KIF2A: variants seen among roughly 807,000 people sequenced by gnomAD.
The protein encoded by KIF2A is kinesin-like protein KIF2A.
In KIF2A, 22 loss-of-function variants were observed where a neutral mutation model predicts 100.2. The observed-to-expected ratio is 0.22, with a 90% CI of 0.16 to 0.31. The LOEUF is 0.31. Ranked by LOEUF, KIF2A falls within the 10% of genes least tolerant of loss-of-function variation. KIF2A has a pLI of 1.00. For missense variants in KIF2A, 495 were observed against 898.7 expected (o/e 0.55, Z 5.74); for synonymous variants, 268 against 285.9 (o/e 0.94, Z 0.63).
intron 1 of KIF2A, among the ~76,000 whole-genome samples, chr5:62,307,558 T>A (rs972871454): frequency 6.6e-6 from 1 of 152,030 alleles, no homozygotes; most frequent in Non-Finnish European, 1.5e-5. Flanking sequence ...GTACCAATAT[T>A]GAAAGAACGA....
intron 1 of KIF2A, among the ~76,000 whole-genome samples, chr5:62,346,913 C>G (rs1747597885): frequency 6.6e-6 from 1 of 152,082 alleles, no homozygotes. Context: ...TAGGTCTTAC[C>G]TGATTTACTG....
At chr5:62,308,162 A>G (rs969566734) in intron 1 of KIF2A, 73 of 311,410 alleles carry the variant, frequency 2.3e-4, no homozygotes, top group Non-Finnish European at 4.2e-5. Context: ...CTGTATATGA[A>G]AAGATAAATT....
At chr5:62,334,732 C>A (rs1241655227) in intron 1 of KIF2A, among the ~76,000 whole-genome samples, 2 of 152,130 alleles carry the variant, frequency 1.3e-5, no homozygotes, top group Non-Finnish European at 2.9e-5. Context: ...TGTCACCCAC[C>A]CTGTCTTCCA....
At chr5:62,346,557 T>C (rs937562958) in intron 1 of KIF2A, among the ~76,000 whole-genome samples, 4 of 152,108 alleles carry the variant, frequency 2.6e-5, no homozygotes, top group Non-Finnish European at 4.4e-5. Context: ...CTGCGCGATA[T>C]GGTGAAACCC....
rs536327831 is a variant in KIF2A, at chr5:62,333,636, C to T, written c.65-13494C>T. 7.2e-5 allele frequency among the ~76,000 whole-genome samples: 11 copies of T among 152,298 alleles called. No homozygotes were observed. In the South Asian group the frequency reaches 1.0e-3, roughly 14 times the overall value. On this transcript the variant is annotated intron_variant, in intron 1 of 20. Coordinates refer to ENST00000407818, the MANE Select transcript of KIF2A (RefSeq NM_001098511.3). ...GCAACTGCCATACACAAGGAGCTCCCGTTATGGTGGTTCTCTGCCAACACC... is the reference window on the plus strand; with the variant it reads ...GCAACTGCCATACACAAGGAGCTCCTGTTATGGTGGTTCTCTGCCAACACC...
At chr5:62,338,492 G>T (rs1043773706) in intron 1 of KIF2A, among the ~76,000 whole-genome samples, 9 of 152,074 alleles carry the variant, frequency 5.9e-5, no homozygotes, top group African/African-American at 2.2e-4. Flanking sequence ...GTTCCACCAT[G>T]TTGGCCAGGG....
intron 1 of KIF2A, among the ~76,000 whole-genome samples, chr5:62,335,623 G>A (rs188106259): frequency 6.6e-6 from 1 of 152,278 alleles, no homozygotes; most frequent in East Asian, 1.9e-4. Context: ...ACGGGAACCT[G>A]GGAGGCAGGG....
At chr5:62,330,597 G>A (rs924004032) in intron 1 of KIF2A, among the ~76,000 whole-genome samples, 1 of 152,156 alleles carries the variant, frequency 6.6e-6, no homozygotes, top group Non-Finnish European at 1.5e-5. Flanking sequence ...GTGTGATTTT[G>A]CAATTCAGAG....
At chr5:62,381,938 GCCTTA>G (rs1373609206) in intron 20 of KIF2A, among the ~76,000 whole-genome samples, 8 of 152,326 alleles carry the variant, frequency 5.3e-5, no homozygotes, top group Admixed American at 2.0e-4. Context: ...GGAAGCATGT[GCCTTA>G]CCTACTAAGT....
At position 62,388,948 on chromosome 5, in the gene KIF2A, A is replaced by C; in HGVS notation, c.*3379A>C. The C allele has an allele frequency of 3.4e-6, 5 of 1,488,314 alleles. No homozygotes were observed. Among genetic ancestry groups the C allele is most frequent in the Non-Finnish European group, 3.7e-6 (4 of 1,078,318 alleles). The allele number at this position is 1,488,314 out of a possible 1,614,324, so 92.2% of individuals were successfully genotyped here. ...GTAAAGCAAAAGCATTATCTTCTCA[A>C]ATACAAAAAATACAAAATTCATTTC... On this transcript the variant is annotated 3_prime_UTR_variant, in exon 21 of 21. Coordinates refer to ENST00000407818, the MANE Select transcript of KIF2A (RefSeq NM_001098511.3).
Position 62,381,116 on chromosome 5 carries a change from A to G in KIF2A, c.2014-2A>G. 1.2e-6 allele frequency: 2 copies of G among 1,606,476 alleles called. No homozygotes were observed. Among genetic ancestry groups the G allele is most frequent in the Non-Finnish European group, 1.7e-6 (2 of 1,175,636 alleles). Reference sequence around the variant, plus strand: ...TGGATTATCGAATTTTTGTCCTTGTAGGAATCTATTCGGTGGTTAGAAGAT... The same window carrying G: ...TGGATTATCGAATTTTTGTCCTTGTGGGAATCTATTCGGTGGTTAGAAGAT... On this transcript the variant is annotated splice_acceptor_variant, in intron 19 of 20. Coordinates refer to ENST00000407818, the MANE Select transcript of KIF2A (RefSeq NM_001098511.3). LOFTEE classifies it high-confidence loss of function.
chr5:62,373,384 T>A (rs922722000), intron 17 of KIF2A, among the ~76,000 whole-genome samples: 9 of 151,714 alleles, frequency 5.9e-5, no homozygotes, highest in Non-Finnish European at 1.2e-4. Flanking sequence ...ATTTAAAAAA[T>A]TTTTTAAATC....
intron 1 of KIF2A, among the ~76,000 whole-genome samples, chr5:62,345,261 G>A (rs997662143): frequency 1.3e-5 from 2 of 152,112 alleles, no homozygotes; most frequent in Non-Finnish European, 2.9e-5. Context: ...GGTGGCACGT[G>A]CCTGTAATCC....
chr5:62,381,989 T>C (rs1326460517), intron 20 of KIF2A, among the ~76,000 whole-genome samples: 1 of 152,244 alleles, frequency 6.6e-6, no homozygotes, highest in Non-Finnish European at 1.5e-5. Context: ...CTTATCTGTG[T>C]AGCTTCAGCT....
intron 1 of KIF2A, among the ~76,000 whole-genome samples, chr5:62,326,033 C>G (rs948872351): frequency 2.0e-5 from 3 of 152,062 alleles, no homozygotes; most frequent in Non-Finnish European, 4.4e-5. Context: ...CTGCTCACTA[C>G]CTGGGTGATG....
At chr5:62,318,831 T>TTAG (rs1745962507) in intron 1 of KIF2A, among the ~76,000 whole-genome samples, 1 of 152,218 alleles carries the variant, frequency 6.6e-6, no homozygotes, top group South Asian at 2.1e-4. Flanking sequence ...ATGTCATGGA[T>TTAG]TACTGCATAT....
Position 62,390,832 on chromosome 5 carries a change from C to T in KIF2A, c.*5263C>T, listed in dbSNP as rs371008256. 4.7e-6 allele frequency: 7 copies of T among 1,502,622 alleles called. No homozygotes were observed. The highest frequency in any genetic ancestry group is 2.4e-4 in the Middle Eastern group (1 of 4,240). 93.1% of individuals were successfully genotyped at this position (1,502,622 alleles called of 1,614,324 possible). A position where few individuals can be genotyped will look rare whatever the true frequency, so the allele number is the denominator to read the frequency against. On this transcript the variant is annotated 3_prime_UTR_variant, in exon 21 of 21. Transcript: ENST00000407818. ...TAAAATCTCCAATCTGAAGGTGTCACAGTAAAGAAATGTAAACACTTAGGA... is the reference window on the plus strand; with the variant it reads ...TAAAATCTCCAATCTGAAGGTGTCATAGTAAAGAAATGTAAACACTTAGGA...
At position 62,385,142 on chromosome 5, in the gene KIF2A, C is replaced by CA. The variant is rs35824644; in HGVS notation, c.2150-331dup. ...GGGTGACAGAGTGAGGACTCCATCT[C>CA]AAAAAAAAAAAGGTAGACTATGTAT... is the stretch of plus-strand genomic sequence containing the variant. On this transcript the variant is annotated intron_variant, in intron 20 of 20. Transcript: ENST00000407818. 1.5e-3 allele frequency among the ~76,000 whole-genome samples: 213 copies of CA among 138,752 alleles called. 2 individuals carry two copies. The highest frequency in any genetic ancestry group is 4.9e-3 in the Admixed American group (68 of 13,842). 91.0% of individuals were successfully genotyped at this position (138,752 alleles called of 152,430 possible). A position where few individuals can be genotyped will look rare whatever the true frequency, so the allele number is the denominator to read the frequency against.
chr5:62,366,281 TTGAGA>T, intron 15 of KIF2A, 128 bp from the exon 16 acceptor site: 1 of 649,836 alleles, frequency 1.5e-6, no homozygotes, highest in Admixed American at 2.7e-5. Context: ...AATCTTGGAG[TTGAGA>T]TATCATTAAT....
Sources: allele counts gnomAD v4.1 joint callset (sites outside exome capture counted in the v4.1 genomes callset), GRCh38; gene constraint gnomAD v4.1.1; transcripts MANE v1.5; gene names NCBI Gene and HGNC (gene_info 2026-07-23, HGNC 2026-07-21).